HMGCLL1: variants seen among roughly 807,000 people sequenced by gnomAD.
HMGCLL1 encodes the protein 3-hydroxymethyl-3-methylglutaryl-CoA lyase, cytoplasmic.
A neutral mutation model predicts 39.1 loss-of-function variants in HMGCLL1; 36 were observed. The observed-to-expected ratio is 0.92, with a 90% CI of 0.71 to 1.22. The LOEUF is 1.22. HMGCLL1 is among the 50% of genes most tolerant of loss of function. The pLI is 0.00. For synonymous variants in HMGCLL1, 149 were observed against 144.0 expected, an observed-to-expected ratio of 1.03 and a Z score of -0.25; for missense variants, 451 against 416.5, an observed-to-expected ratio of 1.08 and a Z score of -0.72.
At chr6:55,613,887 A>G in the HMGCLL1 span, among the ~76,000 whole-genome samples, 1 of 152,150 alleles carries the variant, frequency 6.6e-6, no homozygotes, top group Non-Finnish European at 1.5e-5. Context: ...ACCTTTACCT[A>G]TGGAACAAAC....
At chr6:55,650,114 T>C in the HMGCLL1 span, among the ~76,000 whole-genome samples, 636 of 78,590 alleles carry the variant, frequency 8.1e-3, 33 homozygotes, top group African/African-American at 0.036. Context: ...TATATATATA[T>C]ATATATATAT....
At chr6:55,619,867 C>G in the HMGCLL1 span, among the ~76,000 whole-genome samples, 1 of 152,198 alleles carries the variant, frequency 6.6e-6, no homozygotes, top group South Asian at 2.1e-4. Context: ...ATCCCAGCCT[C>G]CATTCTACTC....
At chr6:55,570,598 C>T (rs1394597869) in intron 1 of HMGCLL1, among the ~76,000 whole-genome samples, 2 of 152,196 alleles carry the variant, frequency 1.3e-5, no homozygotes, top group African/African-American at 4.8e-5. Context: ...TCATTCCCTT[C>T]ATCCCAAATC....
intron 5 of HMGCLL1, 60 bp from the exon 6 acceptor site, chr6:55,499,359 T>TA: frequency 7.7e-7 from 1 of 1,304,356 alleles, no homozygotes. Context: ...TTCCATTTTA[T>TA]AAAAATTAAG....
At chr6:55,592,596 T>A in the HMGCLL1 span, among the ~76,000 whole-genome samples, 1 of 152,060 alleles carries the variant, frequency 6.6e-6, no homozygotes, top group Non-Finnish European at 1.5e-5. Flanking sequence ...ACTCACTAGA[T>A]GCCAGTAGCC....
intron 7 of HMGCLL1, among the ~76,000 whole-genome samples, chr6:55,490,593 C>G (rs527824198): frequency 3.3e-5 from 5 of 152,202 alleles, no homozygotes; most frequent in African/African-American, 1.2e-4. Context: ...TAAGTATAGT[C>G]TGTTGCATGA....
At chr6:55,637,869 G>A in the HMGCLL1 span, among the ~76,000 whole-genome samples, 2 of 152,066 alleles carry the variant, frequency 1.3e-5, no homozygotes, top group African/African-American at 4.8e-5. Flanking sequence ...TGTCACAACA[G>A]TGGCTTTGTA....
chr6:55,630,658 A>G, the HMGCLL1 span, among the ~76,000 whole-genome samples: 1 of 152,036 alleles, frequency 6.6e-6, no homozygotes, highest in African/African-American at 2.4e-5. Flanking sequence ...GAGGTAACTG[A>G]ATCATGGGGG....
the HMGCLL1 span, among the ~76,000 whole-genome samples, chr6:55,654,190 C>T: frequency 6.6e-6 from 1 of 151,776 alleles, no homozygotes; most frequent in Non-Finnish European, 1.5e-5. Context: ...AAATGTCTTC[C>T]CCAGATACTA....
intron 1 of HMGCLL1, among the ~76,000 whole-genome samples, chr6:55,564,588 A>G (rs1417042639): frequency 6.6e-6 from 1 of 152,120 alleles, no homozygotes; most frequent in Non-Finnish European, 1.5e-5. Context: ...ATATTTCCCA[A>G]CAGAAGTTAT....
the HMGCLL1 span, among the ~76,000 whole-genome samples, chr6:55,661,816 T>C: frequency 6.6e-6 from 1 of 151,962 alleles, no homozygotes; most frequent in Admixed American, 6.6e-5. Flanking sequence ...GTATTGCCAT[T>C]TTAGTGATAT....
chr6:55,499,476 C>T (rs566214951), intron 5 of HMGCLL1, among the ~76,000 whole-genome samples, 177 bp from the exon 6 acceptor site: 1 of 152,210 alleles, frequency 6.6e-6, no homozygotes, highest in South Asian at 2.1e-4. Context: ...AATCAGCTCA[C>T]ATTTTTATCT....
chr6:55,502,325 T>G (rs1766932795), intron 5 of HMGCLL1, among the ~76,000 whole-genome samples: 1 of 151,786 alleles, frequency 6.6e-6, no homozygotes, highest in African/African-American at 2.4e-5. Context: ...CTTATCTGCA[T>G]TTTACTATTA....
chr6:55,563,398 G>T (rs976545077), intron 1 of HMGCLL1, among the ~76,000 whole-genome samples: 1 of 151,964 alleles, frequency 6.6e-6, no homozygotes, highest in Non-Finnish European at 1.5e-5. Flanking sequence ...GATATGCCCA[G>T]TTTTTTTGGT....
chr6:55,447,590 A>G (rs543904244), intron 7 of HMGCLL1, among the ~76,000 whole-genome samples: 17 of 151,300 alleles, frequency 1.1e-4, no homozygotes, highest in African/African-American at 1.9e-4. Flanking sequence ...GGAAGTAAGG[A>G]AAAAAAAAGC....
intron 1 of HMGCLL1, among the ~76,000 whole-genome samples, chr6:55,560,125 G>T (rs904442894): frequency 1.3e-5 from 2 of 152,064 alleles, no homozygotes; most frequent in African/African-American, 4.8e-5. Flanking sequence ...CAAAATTTTT[G>T]TTCAAAGTAA....
chr6:55,438,095 T>C (rs931082794), intron 8 of HMGCLL1, among the ~76,000 whole-genome samples: 1 of 152,058 alleles, frequency 6.6e-6, no homozygotes, highest in East Asian at 1.9e-4. Context: ...TGGCATATAT[T>C]AAGCATCAGC....
chr6:55,489,038 A>G (rs1191181426), intron 7 of HMGCLL1, among the ~76,000 whole-genome samples: 1 of 152,036 alleles, frequency 6.6e-6, no homozygotes, highest in Non-Finnish European at 1.5e-5. Context: ...ATGTGATAAT[A>G]GTTTATGTTC....
chr6:55,475,094 CTT>C, intron 7 of HMGCLL1, among the ~76,000 whole-genome samples: 1 of 151,604 alleles, frequency 6.6e-6, no homozygotes, highest in South Asian at 2.1e-4. Context: ...GTGGTATCAA[CTT>C]TTGTTTATCC....
Sources: allele counts gnomAD v4.1 joint callset (sites outside exome capture counted in the v4.1 genomes callset), GRCh38; gene constraint gnomAD v4.1.1; transcripts MANE v1.5; gene names NCBI Gene and HGNC (gene_info 2026-07-23, HGNC 2026-07-21).